ENTREP2: variants seen among roughly 807,000 people sequenced by gnomAD.
The protein encoded by ENTREP2 is endosomal transmembrane epsin interactor 2.
chr15:29,569,733 G>A, the ENTREP2 span: 1 of 152,192 alleles, frequency 6.6e-6, no homozygotes, highest in Non-Finnish European at 1.5e-5. Context: ...TAATCGAGAC[G>A]TCTTTCTTCT....
At chr15:29,538,007 C>A in the ENTREP2 span, among the ~76,000 whole-genome samples, 2 of 152,196 alleles carry the variant, frequency 1.3e-5, no homozygotes, top group Non-Finnish European at 2.9e-5. Flanking sequence ...GCCTTCCCAA[C>A]CCCTTTCCAC....
At chr15:29,276,121 T>C in the ENTREP2 span, among the ~76,000 whole-genome samples, 1 of 152,218 alleles carries the variant, frequency 6.6e-6, no homozygotes, top group Non-Finnish European at 1.5e-5. Context: ...TAAATGAATA[T>C]TTTGATGAAG....
the ENTREP2 span, among the ~76,000 whole-genome samples, chr15:29,633,699 G>A: frequency 6.6e-6 from 1 of 152,162 alleles, no homozygotes; most frequent in African/African-American, 2.4e-5. Flanking sequence ...GGTGGCTCAC[G>A]CCTGTAATCC....
At chr15:29,247,014 C>T in the ENTREP2 span, among the ~76,000 whole-genome samples, 2 of 150,140 alleles carry the variant, frequency 1.3e-5, no homozygotes, top group African/African-American at 2.5e-5. Context: ...CACACACACA[C>T]GCAAAACCCT....
the ENTREP2 span, among the ~76,000 whole-genome samples, chr15:29,249,984 G>T: frequency 2.0e-5 from 3 of 152,084 alleles, no homozygotes; most frequent in Non-Finnish European, 2.9e-5. Context: ...TATCATGAGG[G>T]CAGCACCGAG....
chr15:29,497,360 G>C, the ENTREP2 span, among the ~76,000 whole-genome samples: 1 of 152,128 alleles, frequency 6.6e-6, no homozygotes, highest in Non-Finnish European at 1.5e-5. Context: ...TTCTTTAAAT[G>C]CTTGGTAGAA....
At chr15:29,552,141 C>T in the ENTREP2 span, among the ~76,000 whole-genome samples, 3 of 152,204 alleles carry the variant, frequency 2.0e-5, no homozygotes, top group South Asian at 4.2e-4. Flanking sequence ...GATGAGCAGT[C>T]CTCAAGATAT....
chr15:29,491,791 C>G, the ENTREP2 span, among the ~76,000 whole-genome samples: 1 of 152,166 alleles, frequency 6.6e-6, no homozygotes, highest in African/African-American at 2.4e-5. Context: ...AACTAGAAAA[C>G]AAGTTTCCAA....
chr15:29,478,015 A>ATTTTTTTTTT, the ENTREP2 span, among the ~76,000 whole-genome samples: 1 of 62,402 alleles, frequency 1.6e-5, no homozygotes, highest in African/African-American at 9.9e-5. Flanking sequence ...ATATATATAT[A>ATTTTTTTTTT]TATATTTTTT....
chr15:29,642,200 C>T, the ENTREP2 span, among the ~76,000 whole-genome samples: 1 of 151,968 alleles, frequency 6.6e-6, no homozygotes, highest in African/African-American at 2.4e-5. Context: ...AAAAGAAGAA[C>T]AAATCTGTAG....
At chr15:29,126,702 G>C in the ENTREP2 span, among the ~76,000 whole-genome samples, 1 of 152,212 alleles carries the variant, frequency 6.6e-6, no homozygotes, top group Non-Finnish European at 1.5e-5. Context: ...GGCATGGTTC[G>C]GGGGCTTAGA....
chr15:29,439,907 T>TAC, the ENTREP2 span, among the ~76,000 whole-genome samples: 1 of 152,118 alleles, frequency 6.6e-6, no homozygotes, highest in South Asian at 2.1e-4. Context: ...TCACCAGTAG[T>TAC]AAGTCACATG....
At chr15:29,385,191 T>G in the ENTREP2 span, among the ~76,000 whole-genome samples, 1 of 152,210 alleles carries the variant, frequency 6.6e-6, no homozygotes, top group African/African-American at 2.4e-5. Context: ...CTAAGTCGCT[T>G]GTAGCAGGAA....
At chr15:29,419,261 G>C in the ENTREP2 span, among the ~76,000 whole-genome samples, 1 of 152,122 alleles carries the variant, frequency 6.6e-6, no homozygotes, top group African/African-American at 2.4e-5. Flanking sequence ...TAAATGAAAA[G>C]AAGAATTTCA....
At chr15:29,656,427 A>T in the ENTREP2 span, among the ~76,000 whole-genome samples, 1 of 152,134 alleles carries the variant, frequency 6.6e-6, no homozygotes, top group Non-Finnish European at 1.5e-5. Context: ...AAGTTTCACT[A>T]GGTTGCCCAA....
chr15:29,367,947 C>CA, the ENTREP2 span, among the ~76,000 whole-genome samples: 412 of 56,586 alleles, frequency 7.3e-3, 1 homozygote, highest in South Asian at 0.021. Context: ...CAGTTTTCAA[C>CA]AAAAAAAAAA....
chr15:29,147,513 T>C, the ENTREP2 span, among the ~76,000 whole-genome samples: 2 of 150,154 alleles, frequency 1.3e-5, no homozygotes, highest in Non-Finnish European at 3.0e-5. Context: ...GGAACCAAAA[T>C]GAAATACCAC....
chr15:29,138,891 C>T, the ENTREP2 span, among the ~76,000 whole-genome samples: 3 of 151,980 alleles, frequency 2.0e-5, no homozygotes, highest in Non-Finnish European at 2.9e-5. Flanking sequence ...ATCTAGTGGG[C>T]GCTCAGGGAG....
chr15:29,198,277 G>T, the ENTREP2 span, among the ~76,000 whole-genome samples: 1 of 152,218 alleles, frequency 6.6e-6, no homozygotes, highest in African/African-American at 2.4e-5. Flanking sequence ...AGCAGGAAAA[G>T]AACAGATTCC....
Sources: gnomAD v4.1 joint callset for allele counts (sites outside exome capture counted in the v4.1 genomes callset) on GRCh38, gnomAD v4.1.1 for gene constraint, MANE v1.5 for transcripts, NCBI Gene and HGNC (gene_info 2026-07-23, HGNC 2026-07-21) for gene names.